The following KANK4 variants were observed in gnomAD, a reference collection of about 807,000 sequenced individuals.
The protein encoded by KANK4 is KN motif and ankyrin repeat domains 4, also known as KN motif and ankyrin repeat domain-containing protein 4.
Under a neutral mutation model 80.8 loss-of-function variants are expected in KANK4, and 50 were observed. The ratio of observed to expected loss-of-function variants is 0.62; its 90% CI spans 0.49 to 0.78. The LOEUF is 0.78. KANK4 is among the 30% of genes least tolerant of loss of function. The pLI, the probability that KANK4 is intolerant of heterozygous loss-of-function variation, is 0.00. For synonymous variants in KANK4, 465 were observed against 506.9 expected (o/e 0.92, Z 1.11); for missense variants, 1,196 against 1,240.1 (o/e 0.96, Z 0.53).
At position 62,237,130 on chromosome 1, in the gene KANK4, G is replaced by A. The variant is rs1671221142; in HGVS notation, c.*1147C>T. The A allele has an allele frequency of 1.6e-5, 2 of 126,778 alleles. No homozygotes were observed. The highest frequency in any genetic ancestry group is 3.1e-5 in the African/African-American group (1 of 32,652). The allele number at this position is 126,778 out of a possible 1,614,324, so 7.9% of individuals were successfully genotyped here. A position where few individuals can be genotyped will look rare whatever the true frequency, so the allele number is the denominator to read the frequency against. The stretch of plus-strand genomic sequence containing the variant: ...GACATTACTTCTTTTTATATAAGGG[G>A]CTTTTTTTTTTTTTTTTTGCATAAG... On this transcript the variant is annotated 3_prime_UTR_variant, in exon 10 of 10. Transcript: ENST00000371153.
chr1:62,253,641 T>C (rs2149124820), intron 7 of KANK4, among the ~76,000 whole-genome samples: 1 of 152,250 alleles, frequency 6.6e-6, no homozygotes, highest in African/African-American at 2.4e-5. Flanking sequence ...CCCGAACTCC[T>C]GACTTCGTGA....
chr1:62,241,204 G>T (rs369556498), intron 9 of KANK4, among the ~76,000 whole-genome samples: 3 of 152,124 alleles, frequency 2.0e-5, no homozygotes, highest in Non-Finnish European at 4.4e-5. Context: ...AGAATCCAGC[G>T]GCCATCAGGG....
At chr1:62,264,391 AC>A (rs1296598724) in intron 6 of KANK4, among the ~76,000 whole-genome samples, 2 of 152,208 alleles carry the variant, frequency 1.3e-5, no homozygotes, top group African/African-American at 4.8e-5. Context: ...AGCCTGGGCA[AC>A]AAGAGCGAAA....
chr1:62,247,183 GCTGAGC>G (rs1235070261), intron 9 of KANK4, among the ~76,000 whole-genome samples: 1 of 152,088 alleles, frequency 6.6e-6, no homozygotes, highest in Non-Finnish European at 1.5e-5. Context: ...GAGCCACTGT[GCTGAGC>G]CTCTTATTTA....
intron 8 of KANK4, among the ~76,000 whole-genome samples, chr1:62,250,650 C>T (rs1182799774): frequency 1.3e-5 from 2 of 152,100 alleles, no homozygotes; most frequent in Non-Finnish European, 2.9e-5. Flanking sequence ...CTTCTCTGTA[C>T]AAAGAAGGGG....
intron 2 of KANK4, among the ~76,000 whole-genome samples, chr1:62,275,613 T>TGAGTTATGCCG (rs1025685825): frequency 6.6e-6 from 1 of 152,224 alleles, no homozygotes; most frequent in African/African-American, 2.4e-5. Context: ...GAGGTATCAA[T>TGAGTTATGCCG]GAGTTATGCC....
chr1:62,279,415 G>C (rs1012620085), intron 2 of KANK4, among the ~76,000 whole-genome samples: 1 of 152,186 alleles, frequency 6.6e-6, no homozygotes, highest in Non-Finnish European at 1.5e-5. Context: ...AGGTATGCGG[G>C]AGCTCAGAAT....
At chr1:62,288,077 A>T (rs1672607093) in intron 1 of KANK4, among the ~76,000 whole-genome samples, 1 of 152,188 alleles carries the variant, frequency 6.6e-6, no homozygotes. Context: ...CCTCCATGTT[A>T]CCAGCATCCC....
chr1:62,313,537 T>G (rs1644514083), intron 1 of KANK4, among the ~76,000 whole-genome samples: 1 of 152,232 alleles, frequency 6.6e-6, no homozygotes, highest in South Asian at 2.1e-4. Flanking sequence ...AGGTGGGTAA[T>G]GCCTTTTGTT....
At chr1:62,244,138 C>T (rs1189842594) in intron 9 of KANK4, among the ~76,000 whole-genome samples, 1 of 152,052 alleles carries the variant, frequency 6.6e-6, no homozygotes, top group Non-Finnish European at 1.5e-5. Context: ...AGGTCACCTA[C>T]CCAAAGGAAC....
intron 1 of KANK4, among the ~76,000 whole-genome samples, chr1:62,298,723 C>A (rs1018600966): frequency 6.6e-6 from 1 of 152,170 alleles, no homozygotes; most frequent in Non-Finnish European, 1.5e-5. Flanking sequence ...ATGCCTATAC[C>A]TTACACAGTA....
At chr1:62,272,949 C>T (rs1202550019) in intron 3 of KANK4, among the ~76,000 whole-genome samples, 2 of 151,902 alleles carry the variant, frequency 1.3e-5, no homozygotes, top group Non-Finnish European at 2.9e-5. Flanking sequence ...TGCCACCATG[C>T]CCGGCTAATT....
At chr1:62,316,649 T>C (rs1356681667) in intron 1 of KANK4, among the ~76,000 whole-genome samples, 1 of 152,314 alleles carries the variant, frequency 6.6e-6, no homozygotes, top group Non-Finnish European at 1.5e-5. Flanking sequence ...ATTTTAGGTT[T>C]TATGCAGTTG....
chr1:62,299,770 A>G (rs2149165855), intron 1 of KANK4, among the ~76,000 whole-genome samples: 1 of 150,962 alleles, frequency 6.6e-6, no homozygotes, highest in African/African-American at 2.4e-5. Context: ...AGGGTAGCAA[A>G]TGATTTGAAA....
At chr1:62,262,620 AT>A (rs1449954282) in intron 7 of KANK4, among the ~76,000 whole-genome samples, 1 of 152,212 alleles carries the variant, frequency 6.6e-6, no homozygotes, top group Non-Finnish European at 1.5e-5. Flanking sequence ...ATATAATAAA[AT>A]GTTATATATA....
At chr1:62,270,477 T>G (rs57469611) in intron 4 of KANK4, among the ~76,000 whole-genome samples, 3,016 of 151,898 alleles carry the variant, frequency 0.02, 83 homozygotes, top group African/African-American at 0.069. Flanking sequence ...CTCTGCCTCC[T>G]GGATTCAAGC....
At chr1:62,305,068 G>A (rs1644440115) in intron 1 of KANK4, among the ~76,000 whole-genome samples, 1 of 150,748 alleles carries the variant, frequency 6.6e-6, no homozygotes, top group African/African-American at 2.4e-5. Context: ...GCAGGAAGGA[G>A]GTGTCACTTG....
chr1:62,242,663 G>A (rs1014526747), intron 9 of KANK4, among the ~76,000 whole-genome samples: 1 of 152,080 alleles, frequency 6.6e-6, no homozygotes, highest in Non-Finnish European at 1.5e-5. Context: ...CAGCTGTTCT[G>A]GGAATTCTGC....
In KANK4 at chr1:62,281,607, A is replaced by C; in HGVS notation, c.-43T>G. 1 of 1,612,780 alleles carries C rather than the reference A, an allele frequency of 6.2e-7. No homozygotes were observed. Among genetic ancestry groups the C allele is most frequent in the Non-Finnish European group, 8.5e-7 (1 of 1,178,760 alleles). On this transcript the variant is annotated 5_prime_UTR_variant, in exon 2 of 10. The change creates a new upstream start codon in the 5' untranslated region. Transcript: ENST00000371153. ...TCAGTGTCTCAGGCACTCTTCATCCAATGAGTCTGTAAAACTTGTTGAAGG... is the reference window on the plus strand; with the variant it reads ...TCAGTGTCTCAGGCACTCTTCATCCCATGAGTCTGTAAAACTTGTTGAAGG...
Sources: allele counts gnomAD v4.1 joint callset (sites outside exome capture counted in the v4.1 genomes callset), GRCh38; gene constraint gnomAD v4.1.1; transcripts MANE v1.5; gene names NCBI Gene and HGNC (gene_info 2026-07-23, HGNC 2026-07-21).